SMARCC2: variants seen among roughly 807,000 people sequenced by gnomAD.
SMARCC2 encodes the protein SWI/SNF related BAF chromatin remodeling complex subunit C2, also known as SWI/SNF complex subunit SMARCC2.
A neutral mutation model predicts 151.3 loss-of-function variants in SMARCC2; 15 were observed. The observed-to-expected ratio is 0.10, with a 90% CI of 0.07 to 0.15. The LOEUF is 0.15. Among genes scored for constraint, SMARCC2 ranks in the 10% least tolerant of loss-of-function variants. The pLI is 1.00. For missense variants in SMARCC2, 1,031 were observed against 1,599.7 expected (o/e 0.64, Z 6.06); for synonymous variants, 590 against 609.5 (o/e 0.97, Z 0.47).
chr12:56,167,221 C>T (rs1346456760), intron 26 of SMARCC2, among the ~76,000 whole-genome samples: 3 of 150,144 alleles, frequency 2.0e-5, no homozygotes, highest in African/African-American at 7.4e-5. Flanking sequence ...CATGGTGGCA[C>T]ATGCCTGTAA....
Position 56,162,549 on chromosome 12 carries a change from C to T in SMARCC2, c.*1140G>A. Reference sequence around the variant, plus strand: ...AGTGCAGAGCCTGGAGTCACACCTGCCTTCCCGTCACAGGGGAGAAGCTGG... The same window carrying T: ...AGTGCAGAGCCTGGAGTCACACCTGTCTTCCCGTCACAGGGGAGAAGCTGG... On this transcript the variant is annotated 3_prime_UTR_variant, in exon 29 of 29. Coordinates refer to ENST00000550164, the MANE Select transcript of SMARCC2 (RefSeq NM_001330288.2). 2.0e-6 allele frequency: 1 copy of T among 497,124 alleles called. No individual in the cohort carries two copies. Among genetic ancestry groups the T allele is most frequent in the Non-Finnish European group, 3.5e-6 (1 of 283,032 alleles). The allele number at this position is 497,124 out of a possible 1,614,324, so 30.8% of individuals were successfully genotyped here.
chr12:56,171,728 G>A lies in SMARCC2; in HGVS notation c.2136C>T (p.Ala712=), dbSNP rs1473946488. 6.3e-7 allele frequency: 1 copy of A among 1,595,946 alleles called. No homozygotes were observed. Among genetic ancestry groups the A allele is most frequent in the African/African-American group, 1.3e-5 (1 of 74,382 alleles). ...NPVMSTVAFL[A]SVVDPRVASA... ...AGGCGACTCGGGGATCGACGACAGAGGCCAGGAAGGCAACAGTGCTCATAA... is the reference window on the plus strand; with the variant it reads ...AGGCGACTCGGGGATCGACGACAGAAGCCAGGAAGGCAACAGTGCTCATAA... Residue 712 remains alanine, a synonymous_variant, in exon 21 of 29, where the codon GCC becomes GCT. Coordinates refer to ENST00000550164, the MANE Select transcript of SMARCC2 (RefSeq NM_001330288.2). This position sits in a 1 kb window ranked among gnomAD's most constrained non-coding sequence, Gnocchi z 4.2.
intron 25 of SMARCC2, 121 bp from the exon 26 acceptor site, chr12:56,168,315 G>T: frequency 9.0e-7 from 1 of 1,108,082 alleles, no homozygotes; most frequent in Non-Finnish European, 1.3e-6. Context: ...ACAACCCATG[G>T]TGAAAGGGCT....
At chr12:56,177,987 G>A (rs1321695712) in intron 15 of SMARCC2, 35 bp downstream of exon 15, 2 of 1,415,674 alleles carry the variant, frequency 1.4e-6, no homozygotes, top group Non-Finnish European at 2.0e-6. Context: ...GGGGACAGGA[G>A]GGAGAAGGAG....
chr12:56,168,438 G>T (rs1270901157), intron 25 of SMARCC2, among the ~76,000 whole-genome samples: 1 of 150,754 alleles, frequency 6.6e-6, no homozygotes, highest in Non-Finnish European at 1.5e-5. Context: ...ACAGTGGCAT[G>T]ATCTCAGCTC....
rs966331708 is a variant in SMARCC2 at position 56,174,716 on chromosome 12, G to A, written c.1431C>T (p.Pro477=). 3 of 1,613,896 alleles carry A rather than the reference G, an allele frequency of 1.9e-6. No homozygotes were observed. The highest frequency in any genetic ancestry group is 2.5e-6 in the Non-Finnish European group (3 of 1,179,982). ...AGGCGGTAGAGGTAAGATACTCTTG[G>A]GGGTTCAGTCGGTAAGTGTCAATCA... is the stretch of plus-strand genomic sequence containing the variant. ...NFMIDTYRLN[P]QEYLTSTACR... is the part of the protein sequence containing the mutation. The change falls in exon 16 of 29, where the codon CCC becomes CCT. Residue 477 remains proline, a synonymous_variant. Coordinates refer to ENST00000550164, the MANE Select transcript of SMARCC2 (RefSeq NM_001330288.2).
intron 15 of SMARCC2, among the ~76,000 whole-genome samples, chr12:56,175,451 G>T (rs1215622009): frequency 8.5e-5 from 13 of 152,318 alleles, no homozygotes; most frequent in Admixed American, 4.6e-4. Flanking sequence ...AAGTTGAAAA[G>T]ATCTAAGTTC....
rs2071736748 is a variant in SMARCC2 at position 56,172,943 on chromosome 12, T to C, written c.1737A>G (p.Pro579=). 3 of 1,613,528 alleles carry C rather than the reference T, an allele frequency of 1.9e-6. No individual in the cohort carries two copies. Among genetic ancestry groups the C allele is most frequent in the Non-Finnish European group, 2.5e-6 (3 of 1,180,008 alleles). ...DLVPETAKGK[P]ELQTSASQQM... ...GGGTCTGCACCCCACCTACCAGCTC[T>C]GGCTTGCCCTTAGCCGTCTCTGGCA... The change falls in exon 18 of 29, where the codon CCA becomes CCG. Residue 579 remains proline (P), a synonymous_variant. Transcript: ENST00000550164.
intron 6 of SMARCC2, 111 bp downstream of exon 6, chr12:56,184,064 G>T: frequency 9.7e-7 from 1 of 1,034,880 alleles, no homozygotes; most frequent in Non-Finnish European, 1.5e-6. Flanking sequence ...GGTGGTAAGA[G>T]GATTCAAGAT....
rs1279961631 is a variant in SMARCC2, at chr12:56,186,160, C to T, written c.312G>A (p.Gln104=). 1 of 1,600,908 alleles carries T rather than the reference C, an allele frequency of 6.2e-7. No individual in the cohort carries two copies. The highest frequency in any genetic ancestry group is 8.6e-7 in the Non-Finnish European group (1 of 1,168,082). ...AATAGAGAGAATCATCTCACCATCC[C>T]TGGTCACTCTTGAATTTGTAGGCAG... The part of the protein sequence containing the change: ...LAAAYKFKSD[Q]GWRRYDFQNP... Residue 104 remains glutamine, a synonymous_variant, in exon 3 of 29, where the codon CAG becomes CAA. Transcript: ENST00000550164.
intron 5 of SMARCC2, 100 bp downstream of exon 5, chr12:56,184,744 G>T: frequency 1.4e-6 from 1 of 730,378 alleles, no homozygotes; most frequent in Non-Finnish European, 2.4e-6. Flanking sequence ...AGCCACCTCT[G>T]AAGCAGAAAA....
chr12:56,163,805 G>A (rs1388851725), intron 28 of SMARCC2, 40 bp from the exon 29 acceptor site: 1 of 1,365,944 alleles, frequency 7.3e-7, no homozygotes, highest in Non-Finnish European at 9.8e-7. Context: ...GAGTACGCCG[G>A]AGAGATGGCT....
intron 7 of SMARCC2, 84 bp downstream of exon 7, chr12:56,183,777 G>A: frequency 2.4e-6 from 2 of 834,642 alleles, no homozygotes; most frequent in Non-Finnish European, 2.0e-6. Context: ...AACTCTGAAA[G>A]AGTGGCCTCT....
chr12:56,176,043 G>A (rs1874899111), intron 15 of SMARCC2, among the ~76,000 whole-genome samples: 1 of 152,100 alleles, frequency 6.6e-6, no homozygotes, highest in South Asian at 2.1e-4. Flanking sequence ...ATTTTTAGTA[G>A]AGACGGGGTT....
intron 28 of SMARCC2, 145 bp from the exon 29 acceptor site, chr12:56,163,910 C>G (rs1323177779): frequency 9.0e-6 from 5 of 558,358 alleles, no homozygotes; most frequent in Non-Finnish European, 1.2e-5. Flanking sequence ...CTTCTGTTCC[C>G]AACACTCTTT....
At position 56,172,672 on chromosome 12, in the gene SMARCC2, A is replaced by G. The variant is rs139299973; in HGVS notation, c.1776T>C (p.Phe592=). 108 of 1,614,130 alleles carry G rather than the reference A, an allele frequency of 6.7e-5. No individual in the cohort carries two copies. In the African/African-American group the frequency reaches 1.3e-3, roughly 20 times the overall value. Residue 592 remains phenylalanine, a synonymous_variant, in exon 19 of 29, where the codon TTT becomes TTC. Coordinates refer to ENST00000550164, the MANE Select transcript of SMARCC2 (RefSeq NM_001330288.2). ...TTGGTTTCTCTTTGCCTTTGTCAGGAAAGTTGAGCATTTGTTGGGAAGCAG... is the reference window on the plus strand; with the variant it reads ...TTGGTTTCTCTTTGCCTTTGTCAGGGAAGTTGAGCATTTGTTGGGAAGCAG... ...QTSASQQMLN[F]PDKGKEKPTD... is the part of the protein sequence containing the mutation.
At chr12:56,188,358 T>C (rs1418275462) in intron 1 of SMARCC2, among the ~76,000 whole-genome samples, 2 of 151,802 alleles carry the variant, frequency 1.3e-5, no homozygotes, top group African/African-American at 4.8e-5. Context: ...CCAGCATCAG[T>C]AGGAAGTTCT....
Position 56,171,278 on chromosome 12 carries a change from C to T in SMARCC2, c.2340G>A (p.Glu780=). ...GIAGTTSDEP[E]RIEESGNDEA... ...GAACCTGCCTGGCCTTACCAATCCG[C>T]TCAGGCTCATCAGAGGTGGTTCCTG... The change falls in exon 22 of 29, where the codon GAG becomes GAA. Residue 780 remains glutamate, a synonymous_variant. Coordinates refer to ENST00000550164, the MANE Select transcript of SMARCC2 (RefSeq NM_001330288.2). The surrounding 1 kb of genome is among the most constrained non-coding windows in gnomAD (Gnocchi z 4.2). 2 of 1,614,224 alleles carry T rather than the reference C, an allele frequency of 1.2e-6. No individual in the cohort carries two copies. Among genetic ancestry groups the T allele is most frequent in the Middle Eastern group, 1.6e-4 (1 of 6,062 alleles).
At chr12:56,172,275 TCTCA>T in intron 20 of SMARCC2, 149 bp downstream of exon 20, 1 of 652,766 alleles carries the variant, frequency 1.5e-6, no homozygotes, top group Non-Finnish European at 2.5e-6. Flanking sequence ...AGAGACGGAG[TCTCA>T]CTATGTTGCC....
Sources: allele counts gnomAD v4.1 joint callset (sites outside exome capture counted in the v4.1 genomes callset), GRCh38; gene constraint gnomAD v4.1.1; non-coding constraint Gnocchi (gnomAD v3.1); transcripts MANE v1.5; gene names NCBI Gene and HGNC (gene_info 2026-07-23, HGNC 2026-07-21).